DSE: variants seen among roughly 807,000 people sequenced by gnomAD.
The protein encoded by DSE is dermatan-sulfate epimerase.
A neutral mutation model predicts 84.4 loss-of-function variants in DSE; 36 were observed. That is an observed-to-expected ratio of 0.43 (90% CI 0.33 to 0.56). The LOEUF is 0.56. Among genes scored for constraint, DSE ranks in the 20% least tolerant of loss-of-function variants. DSE has a pLI of 0.06. For synonymous variants in DSE, 410 were observed against 430.1 expected (o/e 0.95, Z 0.58); for missense variants, 862 against 1,169.6 (o/e 0.74, Z 3.84).
chr6:116,284,583 C>T (rs1325490495), intron 2 of DSE, among the ~76,000 whole-genome samples: 6 of 151,846 alleles, frequency 4.0e-5, no homozygotes, highest in Non-Finnish European at 8.8e-5. Flanking sequence ...CATATGTATA[C>T]TTGTGCCATG....
At chr6:116,258,482 A>G (rs1196981689) in exon 2 of DSE, 2 of 1,042,288 alleles carry the variant, frequency 1.9e-6, no homozygotes, top group Non-Finnish European at 3.0e-6. Context: ...ATTGGGCAAC[A>G]GCTGGGAAAA....
intron 2 of DSE, chr6:116,279,436 A>G: frequency 6.2e-7 from 1 of 1,613,454 alleles, no homozygotes; most frequent in Non-Finnish European, 8.5e-7. Context: ...ACAGATTTCT[A>G]GGGCCTTCTC....
upstream of DSE, chr6:116,370,935 G>C (rs1027505347): frequency 1.7e-5 from 17 of 985,354 alleles, no homozygotes; most frequent in Admixed American, 7.4e-4. Context: ...CGCCCCCGCC[G>C]GCCCGGCTCT....
chr6:116,369,728 C>G, upstream of DSE: 2 of 363,140 alleles, frequency 5.5e-6, no homozygotes, highest in South Asian at 4.4e-5. Context: ...ACCACTTCCT[C>G]TTGACCTGTT....
chr6:116,390,327 C>G (rs1780822635), intron 1 of DSE, among the ~76,000 whole-genome samples: 1 of 152,128 alleles, frequency 6.6e-6, no homozygotes, highest in African/African-American at 2.4e-5. Flanking sequence ...CCTCAGCCTC[C>G]CAACTGCTGG....
At position 116,430,830 on chromosome 6, in the gene DSE, G is replaced by A. The variant is rs958316453; in HGVS notation, c.671-124G>A. ...GTTATTTATACACTGACAAGTTGGA[G>A]TTTTACAAAACGCGATTTGTAATAT... On this transcript the variant is annotated intron_variant, in intron 3 of 5. Transcript: ENST00000644252. 1.2e-5 allele frequency: 17 copies of A among 1,363,580 alleles called. No individual in the cohort carries two copies. The African/African-American group carries it at 2.2e-4, about 17-fold the overall frequency. 84.5% of individuals were successfully genotyped at this position (1,363,580 alleles called of 1,614,324 possible). A position where few individuals can be genotyped will look rare whatever the true frequency, so the allele number is the denominator to read the frequency against.
intron 2 of DSE, among the ~76,000 whole-genome samples, chr6:116,275,275 C>T (rs1307536280): frequency 6.6e-6 from 1 of 152,116 alleles, no homozygotes; most frequent in East Asian, 1.9e-4. Flanking sequence ...AAAGGTAACC[C>T]AAAATTAAGT....
intron 2 of DSE, chr6:116,288,160 T>C (rs1251071405): frequency 6.6e-6 from 1 of 152,100 alleles, no homozygotes; most frequent in Non-Finnish European, 1.5e-5. Context: ...ACTCACTAGC[T>C]GTTTGACTGG....
intron 2 of DSE, chr6:116,279,113 C>A: frequency 1.2e-6 from 2 of 1,614,158 alleles, no homozygotes; most frequent in Non-Finnish European, 1.7e-6. Context: ...TTCACAGTGT[C>A]CAGTTCCAGC....
intron 2 of DSE, among the ~76,000 whole-genome samples, chr6:116,329,206 A>C (rs1332475816): frequency 6.6e-6 from 1 of 152,178 alleles, no homozygotes; most frequent in Non-Finnish European, 1.5e-5. Flanking sequence ...ACTCAGCTAT[A>C]CTTGTTTATT....
At chr6:116,411,454 A>G (rs1010439146) in intron 2 of DSE, among the ~76,000 whole-genome samples, 2 of 152,258 alleles carry the variant, frequency 1.3e-5, no homozygotes, top group Admixed American at 1.3e-4. Flanking sequence ...GGAGGAGGGC[A>G]TCAGCTTGAG....
At chr6:116,302,306 T>G (rs1324841486) in intron 2 of DSE, among the ~76,000 whole-genome samples, 1 of 152,242 alleles carries the variant, frequency 6.6e-6, no homozygotes, top group Non-Finnish European at 1.5e-5. Flanking sequence ...TGTTGTTTCC[T>G]GACTTTTTAA....
At chr6:116,293,993 A>G (rs1774482780) in intron 2 of DSE, among the ~76,000 whole-genome samples, 1 of 152,146 alleles carries the variant, frequency 6.6e-6, no homozygotes, top group African/African-American at 2.4e-5. Context: ...CTAATAGTTA[A>G]TAAATATGTC....
At chr6:116,425,291 G>T (rs1783359666) in intron 2 of DSE, among the ~76,000 whole-genome samples, 1 of 152,134 alleles carries the variant, frequency 6.6e-6, no homozygotes, top group African/African-American at 2.4e-5. Context: ...AAGAGGTCAA[G>T]GCTTCACTAG....
At chr6:116,341,416 G>C (rs910721731) in intron 2 of DSE, among the ~76,000 whole-genome samples, 5 of 151,970 alleles carry the variant, frequency 3.3e-5, no homozygotes, top group African/African-American at 4.8e-5. Flanking sequence ...ATTTTCTCCC[G>C]TTCTGTAGGT....
At chr6:116,332,443 T>C (rs566908271) in intron 2 of DSE, among the ~76,000 whole-genome samples, 54 of 151,604 alleles carry the variant, frequency 3.6e-4, no homozygotes, top group Non-Finnish European at 7.1e-4. Flanking sequence ...CTTTAAAATA[T>C]GAAAAAAAAA....
At chr6:116,420,555 C>G (rs1035256054) in intron 2 of DSE, among the ~76,000 whole-genome samples, 1 of 152,186 alleles carries the variant, frequency 6.6e-6, no homozygotes. Flanking sequence ...CCTGACCATG[C>G]GGGCACCCTG....
chr6:116,279,359 C>T (rs1191299193), intron 2 of DSE: 7 of 1,611,904 alleles, frequency 4.3e-6, no homozygotes, highest in Non-Finnish European at 5.9e-6. Flanking sequence ...GCGCACTTTC[C>T]TGTCTTCACC....
intron 1 of DSE, among the ~76,000 whole-genome samples, chr6:116,398,735 G>A (rs1175794296): frequency 6.6e-6 from 1 of 152,214 alleles, no homozygotes; most frequent in Non-Finnish European, 1.5e-5. Flanking sequence ...GTTAGGAAAA[G>A]GAGATAAGTT....
Sources: allele counts gnomAD v4.1 joint callset (sites outside exome capture counted in the v4.1 genomes callset), GRCh38; gene constraint gnomAD v4.1.1; transcripts MANE v1.5; gene names NCBI Gene and HGNC (gene_info 2026-07-23, HGNC 2026-07-21).